The following CACNA1C variants were observed in gnomAD, a reference collection of about 807,000 sequenced individuals.
The protein encoded by CACNA1C is voltage-dependent L-type calcium channel subunit alpha-1C.
CACNA1C carries 30 observed loss-of-function variants against 229.0 expected under a neutral mutation model. The ratio of observed to expected loss-of-function variants is 0.13; its 90% CI spans 0.10 to 0.18. The LOEUF (loss-of-function observed/expected upper bound fraction) is 0.18. CACNA1C is among the 10% of genes least tolerant of loss of function. CACNA1C has a pLI of 1.00. For synonymous variants in CACNA1C, 1,114 were observed against 1,132.5 expected, an observed-to-expected ratio of 0.98 and a Z score of 0.33; for missense variants, 1,658 against 2,845.0, an observed-to-expected ratio of 0.58 and a Z score of 9.49.
intron 3 of CACNA1C, among the ~76,000 whole-genome samples, chr12:2,304,834 A>G (rs2094883950): frequency 6.6e-6 from 1 of 152,094 alleles, no homozygotes; most frequent in African/African-American, 2.4e-5. Context: ...ACACCTGGGC[A>G]CAAAGAACAG....
chr12:2,662,097 C>G, intron 34 of CACNA1C, among the ~76,000 whole-genome samples: 1 of 151,924 alleles, frequency 6.6e-6, no homozygotes, highest in African/African-American at 2.4e-5. Context: ...AAAAAATTAG[C>G]CGGGCGTGGT....
intron 3 of CACNA1C, among the ~76,000 whole-genome samples, chr12:2,153,378 T>C (rs1479233756): frequency 1.3e-5 from 2 of 152,160 alleles, no homozygotes; most frequent in Non-Finnish European, 2.9e-5. Flanking sequence ...ATTGAGTACA[T>C]TCATACTGTT....
Position 2,201,587 on chromosome 12 carries a change from A to G in CACNA1C, c.477+81157A>G, listed in dbSNP as rs557305464. ...CAAAGGAATTAGCTTTTCTTTCTAT[A>G]CTTCTAGCATGTATTTATCCTCGCT... On this transcript the variant is annotated intron_variant, in intron 3 of 46. Transcript: ENST00000399655. Among the ~76,000 whole-genome samples, 3 of 152,258 alleles carry G rather than the reference A, an allele frequency of 2.0e-5. No individual in the cohort carries two copies. In the South Asian group the frequency reaches 6.2e-4, roughly 32 times the overall value.
intron 3 of CACNA1C, among the ~76,000 whole-genome samples, chr12:2,261,320 CAAAA>C (rs770617980): frequency 6.6e-6 from 1 of 151,560 alleles, no homozygotes; most frequent in Non-Finnish European, 1.5e-5. Flanking sequence ...TTTTGTAAAA[CAAAA>C]AAACAGAAGA....
intron 3 of CACNA1C, among the ~76,000 whole-genome samples, chr12:2,408,784 T>C (rs1013060462): frequency 1.3e-5 from 2 of 152,214 alleles, no homozygotes; most frequent in African/African-American, 4.8e-5. Context: ...TGAAGTCTTA[T>C]TCATTTCAAT....
rs140940393 is a variant in CACNA1C, at chr12:2,281,791, C to T, written c.477+161361C>T. On this transcript the variant is annotated intron_variant, in intron 3 of 46. Transcript: ENST00000399655. ...TTCATGTTTCTAGTGCTTGGCATTC[C>T]TTGAGCTTCTGGAACCTGTGGGTTT... Among the ~76,000 whole-genome samples the T allele has an allele frequency of 2.9e-3, 448 of 152,088 alleles. 4 individuals carry two copies. Among genetic ancestry groups the T allele is most frequent in the African/African-American group, 0.01 (415 of 41,492 alleles).
intron 3 of CACNA1C, among the ~76,000 whole-genome samples, chr12:2,314,970 C>T (rs530401539): frequency 8.5e-5 from 13 of 152,232 alleles, no homozygotes; most frequent in African/African-American, 2.9e-4. Flanking sequence ...CAGCCCCTGC[C>T]GACTTGCCTT....
chr12:2,101,776 G>C (rs1479936160), intron 1 of CACNA1C, among the ~76,000 whole-genome samples: 1 of 150,498 alleles, frequency 6.6e-6, no homozygotes, highest in Admixed American at 6.6e-5. Context: ...GGCAGAAGGA[G>C]GCTGGGGCCA....
chr12:2,481,364 G>T (rs2099675060), intron 5 of CACNA1C, among the ~76,000 whole-genome samples: 1 of 152,186 alleles, frequency 6.6e-6, no homozygotes, highest in South Asian at 2.1e-4. Flanking sequence ...GGCTTCTCTT[G>T]ACTTTTTAAG....
chr12:2,443,839 TTA>T (rs2099251481), intron 3 of CACNA1C, among the ~76,000 whole-genome samples: 1 of 152,234 alleles, frequency 6.6e-6, no homozygotes, highest in Non-Finnish European at 1.5e-5. Context: ...TTTGAAGGAA[TTA>T]ACCAAGCTGT....
chr12:2,125,230 A>C (rs1174891425), intron 3 of CACNA1C, among the ~76,000 whole-genome samples: 1 of 152,136 alleles, frequency 6.6e-6, no homozygotes, highest in Non-Finnish European at 1.5e-5. Context: ...GGTAGTTCAA[A>C]ATCGTGGCTC....
chr12:2,617,826 A>G (rs1290000517), intron 29 of CACNA1C, among the ~76,000 whole-genome samples: 1 of 152,152 alleles, frequency 6.6e-6, no homozygotes, highest in Non-Finnish European at 1.5e-5. Context: ...GGAAAGTTGG[A>G]ATGAGGAGGT....
chr12:2,540,176 CA>C (rs2099866104), intron 9 of CACNA1C, among the ~76,000 whole-genome samples: 1 of 152,134 alleles, frequency 6.6e-6, no homozygotes, highest in Admixed American at 6.5e-5. Context: ...GAAGCAAGGT[CA>C]GCTTCCTGGA....
At chr12:2,047,303 C>T (rs2051252869) in intron 1 of CACNA1C, among the ~76,000 whole-genome samples, 1 of 152,202 alleles carries the variant, frequency 6.6e-6, no homozygotes, top group Admixed American at 6.5e-5. Flanking sequence ...AGGATGATAA[C>T]AGCTAACATT....
chr12:2,058,335 A>C (rs1808503824), intron 1 of CACNA1C, among the ~76,000 whole-genome samples: 1 of 152,212 alleles, frequency 6.6e-6, no homozygotes, highest in African/African-American at 2.4e-5. Context: ...AGTGCTGAGC[A>C]TTCAGATTTA....
intron 30 of CACNA1C, chr12:2,641,317 A>G: frequency 5.8e-6 from 1 of 171,282 alleles, no homozygotes; most frequent in Non-Finnish European, 1.2e-5. Flanking sequence ...GCTCATTTTC[A>G]CAGGTTTTTC....
At chr12:2,547,349 A>G in intron 9 of CACNA1C, 1 of 693,330 alleles carries the variant, frequency 1.4e-6, no homozygotes, top group Non-Finnish European at 2.7e-6. Context: ...TCTATGTGAA[A>G]GCTGAGTTCC....
At chr12:2,672,905 T>G (rs2096627704) in intron 38 of CACNA1C, among the ~76,000 whole-genome samples, 1 of 152,220 alleles carries the variant, frequency 6.6e-6, no homozygotes. Flanking sequence ...TGATGGGGAC[T>G]GATCATCTGT....
chr12:2,232,227 GTTTTTTTTTTTTT>G (rs1169407536), intron 3 of CACNA1C, among the ~76,000 whole-genome samples: 2 of 73,574 alleles, frequency 2.7e-5, no homozygotes, highest in South Asian at 1.1e-3. Flanking sequence ...GTCTTTCCTT[GTTTTTTTTTTTTT>G]TTTTTTTTTT....
Sources: gnomAD v4.1 joint callset for allele counts (sites outside exome capture counted in the v4.1 genomes callset) on GRCh38, gnomAD v4.1.1 for gene constraint, MANE v1.5 for transcripts, NCBI Gene and HGNC (gene_info 2026-07-23, HGNC 2026-07-21) for gene names.